Variants in SHB observed in about 807,000 individuals in gnomAD.
The protein encoded by SHB is SH2 domain-containing adapter protein B.
In SHB, 20 loss-of-function variants were observed where a neutral mutation model predicts 52.3. That is an observed-to-expected ratio of 0.38 (90% CI 0.27 to 0.56). The LOEUF (loss-of-function observed/expected upper bound fraction) is 0.56, where lower values mean the gene tolerates loss of function less well. Ranked by LOEUF, SHB falls within the 20% of genes least tolerant of loss-of-function variation. The probability of loss-of-function intolerance (pLI) is 0.71; values close to 1 mark genes in which losing one functional copy is unlikely to be tolerated. For missense variants in SHB, 825 were observed against 723.3 expected, an observed-to-expected ratio of 1.14 and a Z score of -1.61; for synonymous variants, 397 against 316.5, an observed-to-expected ratio of 1.25 and a Z score of -2.70.
intron 1 of SHB, among the ~76,000 whole-genome samples, chr9:38,042,206 T>C (rs762509276): frequency 6.6e-6 from 1 of 152,184 alleles, no homozygotes; most frequent in African/African-American, 2.4e-5. Flanking sequence ...CGAAAATACC[T>C]ACCCACGAGT....
chr9:37,988,072 A>T lies in SHB; in HGVS notation c.839-13235T>A, dbSNP rs374531165. The stretch of plus-strand genomic sequence containing the variant: ...CCTCAAGCTGAGGGGTGCTGTTGAC[A>T]ATGTGCCCAGTGCCCAGCACAGCTG... On this transcript the variant is annotated intron_variant, in intron 2 of 5. Coordinates refer to ENST00000377707, the MANE Select transcript of SHB (RefSeq NM_003028.3). Among the ~76,000 whole-genome samples the T allele has an allele frequency of 1.5e-4, 23 of 152,320 alleles. No homozygotes were observed. In the East Asian group the frequency reaches 3.7e-3, roughly 24 times the overall value.
chr9:37,961,620 C>G (rs562899744), intron 3 of SHB, among the ~76,000 whole-genome samples: 1 of 152,388 alleles, frequency 6.6e-6, no homozygotes, highest in Non-Finnish European at 1.5e-5. Flanking sequence ...CCAGATCTAT[C>G]ATCTGCCTTT....
chr9:37,919,556 T>G lies in SHB; in HGVS notation c.*265A>C. ...TCATCCTGGAAGGCATCTCTTTGGA[T>G]TTGCAAATATTTTAATTCACAGAAA... is the stretch of plus-strand genomic sequence containing the variant. On this transcript the variant is annotated 3_prime_UTR_variant, in exon 6 of 6. Transcript: ENST00000377707. 3.9e-6 allele frequency: 1 copy of G among 253,654 alleles called. No individual in the cohort carries two copies. Among genetic ancestry groups the G allele is most frequent in the Non-Finnish European group, 7.6e-6 (1 of 131,618 alleles). The allele number at this position is 253,654 out of a possible 1,614,324, so 15.7% of individuals were successfully genotyped here.
At chr9:37,968,870 A>G (rs1213298481) in intron 3 of SHB, among the ~76,000 whole-genome samples, 2 of 152,164 alleles carry the variant, frequency 1.3e-5, no homozygotes, top group Admixed American at 6.5e-5. Flanking sequence ...TAGTTTCCCC[A>G]GAAGGACAGG....
intron 2 of SHB, among the ~76,000 whole-genome samples, chr9:37,977,219 A>G (rs1820666867): frequency 1.3e-5 from 2 of 152,216 alleles, no homozygotes; most frequent in African/African-American, 2.4e-5. Context: ...ATAGATACTA[A>G]GCAGAATGAA....
chr9:37,948,851 T>G, intron 4 of SHB, 97 bp from the exon 5 acceptor site: 1 of 1,503,476 alleles, frequency 6.7e-7, no homozygotes, highest in East Asian at 2.3e-5. Flanking sequence ...AGAGCCTCCC[T>G]GTACAAGCAG....
intron 1 of SHB, among the ~76,000 whole-genome samples, chr9:38,020,683 A>G (rs1020500329): frequency 6.6e-6 from 1 of 152,224 alleles, no homozygotes; most frequent in Non-Finnish European, 1.5e-5. Flanking sequence ...GAGGGCTACC[A>G]AAATCTCACA....
chr9:38,064,665 T>A (rs567021000), intron 1 of SHB, among the ~76,000 whole-genome samples: 1 of 152,130 alleles, frequency 6.6e-6, no homozygotes, highest in Non-Finnish European at 1.5e-5. Flanking sequence ...GTCAATCTCC[T>A]CCAGGAGCTC....
rs947455842 is a variant in SHB, at chr9:38,049,104, G to A, written c.717+18825C>T. The stretch of plus-strand genomic sequence containing the variant: ...AGCGCCATCTCGGCTCACTGCAGCC[G>A]TAACCTCCCAGACTTAAGTGATCCT... On this transcript the variant is annotated intron_variant, in intron 1 of 5. Transcript: ENST00000377707. Among the ~76,000 whole-genome samples, 6 of 152,136 alleles carry A rather than the reference G, an allele frequency of 3.9e-5. No individual in the cohort carries two copies. The East Asian group carries it at 5.8e-4, about 15-fold the overall frequency.
chr9:37,990,317 G>A (rs1396038346), intron 2 of SHB, among the ~76,000 whole-genome samples: 1 of 152,114 alleles, frequency 6.6e-6, no homozygotes, highest in Non-Finnish European at 1.5e-5. Context: ...CCTCCACCCT[G>A]GGAGCCTTGA....
At chr9:38,017,585 G>T (rs749457020) in intron 1 of SHB, among the ~76,000 whole-genome samples, 3 of 152,180 alleles carry the variant, frequency 2.0e-5, no homozygotes, top group African/African-American at 7.2e-5. Flanking sequence ...AGCACACAGC[G>T]GTCACTGCTC....
chr9:37,985,485 G>A (rs1035568996), intron 2 of SHB, among the ~76,000 whole-genome samples: 2 of 152,238 alleles, frequency 1.3e-5, no homozygotes, highest in Non-Finnish European at 2.9e-5. Flanking sequence ...CTGCCTTTGC[G>A]TGCGGAGGCC....
intron 1 of SHB, 24 bp from the exon 2 acceptor site, chr9:38,016,155 G>T (rs373267526): frequency 6.2e-7 from 1 of 1,613,516 alleles, no homozygotes; most frequent in South Asian, 1.1e-5. Flanking sequence ...GATGGCAGGT[G>T]TGAGTCCACC....
intron 1 of SHB, among the ~76,000 whole-genome samples, chr9:38,040,684 G>C (rs996907103): frequency 1.3e-5 from 2 of 152,102 alleles, no homozygotes; most frequent in Non-Finnish European, 2.9e-5. Context: ...ACGGTGGGGG[G>C]GCTGCAAGTG....
At chr9:37,944,874 C>G (rs1198591457) in intron 5 of SHB, among the ~76,000 whole-genome samples, 1 of 151,960 alleles carries the variant, frequency 6.6e-6, no homozygotes, top group East Asian at 1.9e-4. Flanking sequence ...GTGGCAGGGA[C>G]TGCCCACCCA....
rs1821249523 is a variant in SHB, at chr9:38,018,885, T to C, written c.718-2754A>G. Among the ~76,000 whole-genome samples, 3 of 152,224 alleles carry C rather than the reference T, an allele frequency of 2.0e-5. No homozygotes were observed. In the South Asian group the frequency reaches 6.2e-4, roughly 31 times the overall value. On this transcript the variant is annotated intron_variant, in intron 1 of 5. Transcript: ENST00000377707. ...GGTTTGTGTGAAGCGTGCTGCTTTT[T>C]TGAGCTAAAAGAAAGAGAATGAGTT...
At chr9:38,019,714 T>A (rs983133497) in intron 1 of SHB, among the ~76,000 whole-genome samples, 3 of 152,164 alleles carry the variant, frequency 2.0e-5, no homozygotes, top group Admixed American at 6.5e-5. Flanking sequence ...TGCGCCAAGT[T>A]TGACCCAGCA....
chr9:38,068,444 C>T lies in SHB; in HGVS notation c.202G>A (p.Gly68Ser). Residue 68 changes from glycine (G) to serine (S), a missense_variant, in exon 1 of 6, where the codon GGC becomes AGC. Physicochemically the swap from Gly to Ser is moderately conservative, Grantham distance 56. Transcript: ENST00000377707. ...ATASCFSASS[G>S]SLPDDSGSTS... ...CTGCCGCTGTCGTCGGGCAGCGAGCCCGAAGAGGCTGAGAAGCAGGAGGCG... is the reference window on the plus strand; with the variant it reads ...CTGCCGCTGTCGTCGGGCAGCGAGCTCGAAGAGGCTGAGAAGCAGGAGGCG... 1 of 1,544,110 alleles carries T rather than the reference C, an allele frequency of 6.5e-7. No individual in the cohort carries two copies. The highest frequency in any genetic ancestry group is 2.6e-5 in the East Asian group (1 of 39,044).
intron 2 of SHB, among the ~76,000 whole-genome samples, chr9:37,992,880 A>C (rs1449970478): frequency 1.3e-5 from 2 of 150,512 alleles, no homozygotes; most frequent in East Asian, 2.0e-4. Flanking sequence ...CACACACACA[A>C]ACACACACAC....
Sources: gnomAD v4.1 joint callset for allele counts (sites outside exome capture counted in the v4.1 genomes callset) on GRCh38, gnomAD v4.1.1 for gene constraint, MANE v1.5 for transcripts, NCBI Gene and HGNC (gene_info 2026-07-23, HGNC 2026-07-21) for gene names.